The following HMCN1 variants were observed in gnomAD, a reference collection of about 807,000 sequenced individuals.
HMCN1 encodes the protein hemicentin-1.
Under a neutral mutation model 625.9 loss-of-function variants are expected in HMCN1, and 321 were observed. The ratio of observed to expected loss-of-function variants is 0.51; its 90% CI spans 0.47 to 0.56. The LOEUF (loss-of-function observed/expected upper bound fraction) is 0.56. HMCN1 is among the 20% of genes least tolerant of loss of function. The pLI, the probability that HMCN1 is intolerant of heterozygous loss-of-function variation, is 0.00. For synonymous variants in HMCN1, 2,425 were observed against 2,417.6 expected, an observed-to-expected ratio of 1.00 and a Z score of -0.09; for missense variants, 6,588 against 6,887.3, an observed-to-expected ratio of 0.96 and a Z score of 1.54.
chr1:186,093,814 G>C (rs1409513663), intron 66 of HMCN1, 145 bp downstream of exon 66: 2 of 1,063,454 alleles, frequency 1.9e-6, no homozygotes, highest in East Asian at 5.1e-5. Context: ...AGTAGAGGAA[G>C]GACAACAAAT....
At chr1:186,174,365 T>G (rs1167394174) in intron 102 of HMCN1, 149 bp from the exon 103 acceptor site, 1 of 859,640 alleles carries the variant, frequency 1.2e-6, no homozygotes, top group Non-Finnish European at 1.9e-6. Flanking sequence ...TGAACCCAGG[T>G]TTTCTGATTC....
chr1:185,765,695 A>T (rs1314186920), intron 1 of HMCN1, among the ~76,000 whole-genome samples: 1 of 152,184 alleles, frequency 6.6e-6, no homozygotes, highest in Non-Finnish European at 1.5e-5. Flanking sequence ...TCATTCTTGA[A>T]CAATAATGCA....
intron 1 of HMCN1, among the ~76,000 whole-genome samples, chr1:185,788,946 G>T (rs1657808960): frequency 6.6e-6 from 1 of 151,858 alleles, no homozygotes; most frequent in Admixed American, 6.6e-5. Flanking sequence ...CTAACCCAAG[G>T]TTTTCTGAGA....
chr1:185,864,366 A>T, intron 2 of HMCN1, 104 bp from the exon 3 acceptor site: 1 of 1,069,122 alleles, frequency 9.4e-7, no homozygotes, highest in Non-Finnish European at 1.4e-6. Flanking sequence ...GAAAATAAAA[A>T]GGAAAACTTG....
At chr1:185,969,341 C>CAGTT (rs35826473) in intron 14 of HMCN1, among the ~76,000 whole-genome samples, 10,680 of 152,144 alleles carry the variant, frequency 0.07, 943 homozygotes, top group African/African-American at 0.21. Flanking sequence ...TAGGCACTGA[C>CAGTT]GGTTGCTGAT....
chr1:185,740,304 A>ATAAT lies in HMCN1; in HGVS notation c.268+5259_268+5262dup, dbSNP rs144337898. Among the ~76,000 whole-genome samples the ATAAT allele has an allele frequency of 8.2e-3, 1,255 of 152,370 alleles. 11 individuals carry two copies. Among genetic ancestry groups the ATAAT allele is most frequent in the Middle Eastern group, 0.027 (8 of 294 alleles). On this transcript the variant is annotated intron_variant, in intron 1 of 106. Coordinates refer to ENST00000271588, the MANE Select transcript of HMCN1 (RefSeq NM_031935.3). ...GGGAGAATAGACAGGACACTATTGT[A>ATAAT]TAATTCAGACAAAAGAACATGGTAT... is the stretch of plus-strand genomic sequence containing the variant.
intron 46 of HMCN1, among the ~76,000 whole-genome samples, chr1:186,057,981 T>A (rs1166602613): frequency 2.6e-5 from 4 of 152,012 alleles, no homozygotes; most frequent in Non-Finnish European, 2.9e-5. Flanking sequence ...TTGGCCCATT[T>A]TATTAATGAC....
chr1:186,050,053 G>GA (rs1479634971), intron 42 of HMCN1, among the ~76,000 whole-genome samples: 73 of 150,958 alleles, frequency 4.8e-4, no homozygotes, highest in Non-Finnish European at 9.9e-4. Context: ...TTTCAGATGG[G>GA]AAAAATATTT....
intron 1 of HMCN1, among the ~76,000 whole-genome samples, chr1:185,809,325 T>C (rs1659366557): frequency 6.6e-6 from 1 of 152,024 alleles, no homozygotes; most frequent in Admixed American, 6.6e-5. Flanking sequence ...AATTTTGTAA[T>C]TAATAAAATA....
chr1:186,028,488 A>G (rs1246432198), intron 36 of HMCN1, among the ~76,000 whole-genome samples: 1 of 152,148 alleles, frequency 6.6e-6, no homozygotes, highest in Non-Finnish European at 1.5e-5. Context: ...ACATTTTTAT[A>G]TGGACTTACA....
At position 186,136,928 on chromosome 1, in the gene HMCN1, A is replaced by G. The variant is rs865871997; in HGVS notation, c.13573A>G (p.Ile4525Val). The G allele has an allele frequency of 6.2e-6, 10 of 1,613,534 alleles. No individual in the cohort carries two copies. The highest frequency in any genetic ancestry group is 6.8e-6 in the Non-Finnish European group (8 of 1,179,890). Reference protein sequence around the residue: ...MGSVLVRVPVIVQVHGGFSQW... With the variant: ...MGSVLVRVPVVVQVHGGFSQW... ...TTCTGTCCTTGTCAGAGTGCCAGTC[A>G]TAGTCCAGGGTGAGTGTGATCAGAG... Residue 4525 changes from isoleucine to valine, a missense_variant, in exon 87 of 107, where the codon ATA (isoleucine) becomes GTA (valine). Physicochemically the swap from Ile to Val is conservative, Grantham distance 29. This residue lies in a region of HMCN1 where 1,954 missense variants were observed against 2,013.1 expected (regional missense o/e 0.97). Transcript: ENST00000271588.
chr1:185,881,182 CAT>C (rs1171349437), intron 4 of HMCN1, among the ~76,000 whole-genome samples: 1 of 152,206 alleles, frequency 6.6e-6, no homozygotes, highest in Non-Finnish European at 1.5e-5. Flanking sequence ...GACAGCCTTT[CAT>C]ATTTGCACTC....
At chr1:186,078,926 A>G (rs1366068461) in intron 55 of HMCN1, among the ~76,000 whole-genome samples, 1 of 152,214 alleles carries the variant, frequency 6.6e-6, no homozygotes, top group Non-Finnish European at 1.5e-5. Context: ...AGTTCATGAG[A>G]GAGTTACAAG....
At chr1:186,076,329 C>CTA in intron 53 of HMCN1, 99 bp from the exon 54 acceptor site, 1 of 1,169,582 alleles carries the variant, frequency 8.6e-7, no homozygotes, top group Non-Finnish European at 1.2e-6. Flanking sequence ...TCCACATTGT[C>CTA]TAATCTATTG....
chr1:186,113,084 G>A (rs1443813489), intron 72 of HMCN1, 131 bp downstream of exon 72: 16 of 1,008,068 alleles, frequency 1.6e-5, no homozygotes, highest in South Asian at 4.4e-5. Flanking sequence ...AAAAGGCAAC[G>A]TGGAGTATTT....
At chr1:186,006,042 A>G (rs553045997) in intron 29 of HMCN1, among the ~76,000 whole-genome samples, 1 of 151,686 alleles carries the variant, frequency 6.6e-6, no homozygotes, top group African/African-American at 2.4e-5. Flanking sequence ...AGGCCGAGGC[A>G]GGAGAATCGC....
At chr1:185,966,120 CA>C (rs1258121541) in intron 14 of HMCN1, among the ~76,000 whole-genome samples, 5 of 152,040 alleles carry the variant, frequency 3.3e-5, no homozygotes, top group Non-Finnish European at 7.4e-5. Flanking sequence ...CTGTAAAAAT[CA>C]AAGCAGGAAA....
At chr1:185,774,724 C>T (rs935458213) in intron 1 of HMCN1, among the ~76,000 whole-genome samples, 1 of 152,062 alleles carries the variant, frequency 6.6e-6, no homozygotes, top group Non-Finnish European at 1.5e-5. Flanking sequence ...AATAGATTAA[C>T]TGGTAAAGTA....
chr1:185,864,039 G>A (rs1245442131), intron 2 of HMCN1, among the ~76,000 whole-genome samples: 1 of 152,182 alleles, frequency 6.6e-6, no homozygotes, highest in African/African-American at 2.4e-5. Flanking sequence ...ATTAAGGCAG[G>A]CATCTGGCTG....
Sources: gnomAD v4.1 joint callset for allele counts (sites outside exome capture counted in the v4.1 genomes callset) on GRCh38, gnomAD v4.1.1 for gene constraint, gnomAD v4.1.1 regional missense constraint, MANE v1.5 for transcripts, NCBI Gene and HGNC (gene_info 2026-07-23, HGNC 2026-07-21) for gene names.